Variants in ZFP1 observed in about 807,000 individuals in gnomAD.
ZFP1 encodes the protein zinc finger protein 1 homolog.
In ZFP1, 32 loss-of-function variants were observed where a neutral mutation model predicts 38.5. That is an observed-to-expected ratio of 0.83 (90% CI 0.63 to 1.12). The LOEUF is 1.12. ZFP1 is among the 50% of genes most tolerant of loss of function. The probability of loss-of-function intolerance (pLI) is 0.00; values close to 1 mark genes in which losing one functional copy is unlikely to be tolerated. For synonymous variants in ZFP1, 245 were observed against 168.8 expected (o/e 1.45, Z -3.50); for missense variants, 616 against 480.8 (o/e 1.28, Z -2.63).
chr16:75,160,390 C>G (rs1324293496), intron 2 of ZFP1, among the ~76,000 whole-genome samples: 1 of 151,860 alleles, frequency 6.6e-6, no homozygotes, highest in Non-Finnish European at 1.5e-5. Flanking sequence ...CTGTACTAAT[C>G]CCATCTGTAC....
intron 2 of ZFP1, among the ~76,000 whole-genome samples, chr16:75,157,824 C>G (rs2037544755): frequency 1.3e-5 from 2 of 152,098 alleles, no homozygotes; most frequent in Admixed American, 6.6e-5. Flanking sequence ...GAGACCGGAT[C>G]TGGCTCTGTT....
the ZFP1 span, among the ~76,000 whole-genome samples, chr16:75,136,383 TA>T: frequency 2.5e-3 from 383 of 152,318 alleles, no homozygotes; most frequent in African/African-American, 8.9e-3. Context: ...ACTATGGCTA[TA>T]CATGTATACT....
the ZFP1 span, among the ~76,000 whole-genome samples, chr16:75,122,455 G>A: frequency 4.6e-5 from 7 of 152,220 alleles, no homozygotes; most frequent in South Asian, 4.2e-4. Flanking sequence ...TAGGACTGGC[G>A]GGAAAGTTGT....
chr16:75,159,836 C>T (rs1189247779), intron 2 of ZFP1, among the ~76,000 whole-genome samples: 1 of 152,194 alleles, frequency 6.6e-6, no homozygotes, highest in Non-Finnish European at 1.5e-5. Context: ...TGATTCTGAT[C>T]CCATTGGGGC....
intron 2 of ZFP1, among the ~76,000 whole-genome samples, chr16:75,161,597 C>A (rs1055482151): frequency 1.3e-5 from 2 of 150,498 alleles, no homozygotes; most frequent in South Asian, 2.1e-4. Flanking sequence ...GGCTTTCAGT[C>A]TTCTTACTTG....
At chr16:75,131,036 A>C in the ZFP1 span, among the ~76,000 whole-genome samples, 1 of 152,038 alleles carries the variant, frequency 6.6e-6, no homozygotes, top group African/African-American at 2.4e-5. Flanking sequence ...CAACCTCCTC[A>C]TTGACCTCCT....
intron 1 of ZFP1, among the ~76,000 whole-genome samples, chr16:75,151,835 T>C (rs181243161): frequency 6.6e-6 from 1 of 152,226 alleles, no homozygotes; most frequent in East Asian, 1.9e-4. Context: ...TTCTTCTATT[T>C]AAATAACTTC....
At chr16:75,133,910 G>T in the ZFP1 span, among the ~76,000 whole-genome samples, 3 of 150,858 alleles carry the variant, frequency 2.0e-5, no homozygotes, top group African/African-American at 7.5e-5. Context: ...TTAGCCAGGC[G>T]TGCTGGTGCA....
At chr16:75,120,703 G>A in the ZFP1 span, among the ~76,000 whole-genome samples, 7 of 152,100 alleles carry the variant, frequency 4.6e-5, no homozygotes, top group Non-Finnish European at 7.4e-5. Flanking sequence ...CCGGGTTCAC[G>A]CCATTCTCCT....
In ZFP1 at chr16:75,166,771, G is replaced by A. The variant is rs762328171; in HGVS notation, c.17G>A (p.Gly6Glu). ...ATGAATAACAATATGCCATTTCAGG[G>A]ATCAGTTTCATTCACGGATGTGACT... The part of the protein sequence containing the change: MNKSQ[G>E]SVSFTDVTVD... Residue 6 changes from glycine to glutamate, a missense_variant and splice_region_variant, in exon 3 of 4, where the codon GGA (glycine) becomes GAA (glutamate). Transcript: ENST00000570010. The A allele has an allele frequency of 2.5e-6, 4 of 1,614,088 alleles. No individual in the cohort carries two copies. The highest frequency in any genetic ancestry group is 2.5e-6 in the Non-Finnish European group (3 of 1,180,016).
chr16:75,155,419 A>C (rs1001102399), intron 2 of ZFP1, among the ~76,000 whole-genome samples: 1 of 152,196 alleles, frequency 6.6e-6, no homozygotes, highest in African/African-American at 2.4e-5. Context: ...TACAGGTGTG[A>C]GCCACCGTGC....
intron 3 of ZFP1, among the ~76,000 whole-genome samples, chr16:75,167,293 A>T (rs2038144642): frequency 6.6e-6 from 1 of 152,178 alleles, no homozygotes; most frequent in African/African-American, 2.4e-5. Flanking sequence ...ACTTTTCAGC[A>T]ATCTGTTTTT....
chr16:75,161,778 T>A (rs867396528), intron 2 of ZFP1, among the ~76,000 whole-genome samples: 195 of 9,678 alleles, frequency 0.02, 7 homozygotes, highest in South Asian at 0.14. Flanking sequence ...ATATATATTT[T>A]TTTTTTTTTT....
At chr16:75,161,171 G>C (rs796994917) in intron 2 of ZFP1, among the ~76,000 whole-genome samples, 24 of 152,220 alleles carry the variant, frequency 1.6e-4, no homozygotes, top group African/African-American at 5.8e-4. Flanking sequence ...GGGTTCAAGC[G>C]ATTCTCCTGC....
At chr16:75,167,600 T>C (rs974050115) in intron 3 of ZFP1, among the ~76,000 whole-genome samples, 6 of 152,094 alleles carry the variant, frequency 3.9e-5, no homozygotes, top group Non-Finnish European at 8.8e-5. Flanking sequence ...ATGTGTCTTT[T>C]TGGTAGAATC....
chr16:75,161,320 C>T (rs767782109), intron 2 of ZFP1, among the ~76,000 whole-genome samples: 60 of 151,890 alleles, frequency 4.0e-4, no homozygotes, highest in Admixed American at 9.2e-4. Flanking sequence ...CTCCCCGCCT[C>T]GGCCTCTCAA....
At position 75,166,781 on chromosome 16, in the gene ZFP1, A is replaced by G; in HGVS notation, c.27A>G (p.Ser9=). 1 of 1,614,196 alleles carries G rather than the reference A, an allele frequency of 6.2e-7. No individual in the cohort carries two copies. Among genetic ancestry groups the G allele is most frequent in the Non-Finnish European group, 8.5e-7 (1 of 1,180,022 alleles). Residue 9 remains serine (S), a synonymous_variant, in exon 3 of 4, where the codon TCA becomes TCG. Coordinates refer to ENST00000570010, the MANE Select transcript of ZFP1 (RefSeq NM_153688.4). MNKSQGSV[S]FTDVTVDFTQ... ...ATATGCCATTTCAGGGATCAGTTTC[A>G]TTCACGGATGTGACTGTGGACTTTA...
In ZFP1 at chr16:75,150,887, C is replaced by G. The variant is rs188769902; in HGVS notation, c.-43-2022C>G. Reference sequence around the variant, plus strand: ...TTGCCCAAGCTGGAGTGCAGTGGTTCAGTCACAGCTGTCTGCAACCTCAAA... The same window carrying G: ...TTGCCCAAGCTGGAGTGCAGTGGTTGAGTCACAGCTGTCTGCAACCTCAAA... On this transcript the variant is annotated intron_variant, in intron 1 of 3. Coordinates refer to ENST00000570010, the MANE Select transcript of ZFP1 (RefSeq NM_153688.4). Among the ~76,000 whole-genome samples, 133 of 152,252 alleles carry G rather than the reference C, an allele frequency of 8.7e-4. 1 individual carries two copies. The highest frequency in any genetic ancestry group is 4.6e-3 in the South Asian group (22 of 4,822).
chr16:75,137,461 C>CTTTTTTTT, the ZFP1 span, among the ~76,000 whole-genome samples: 95 of 89,384 alleles, frequency 1.1e-3, 2 homozygotes, highest in Admixed American at 1.6e-3. Context: ...AAAAAAAATT[C>CTTTTTTTT]TTTTTTTTTT....
Sources: allele counts gnomAD v4.1 joint callset (sites outside exome capture counted in the v4.1 genomes callset), GRCh38; gene constraint gnomAD v4.1.1; transcripts MANE v1.5; gene names NCBI Gene and HGNC (gene_info 2026-07-23, HGNC 2026-07-21).